C11orf65: variants seen among roughly 807,000 people sequenced by gnomAD.
C11orf65 encodes the protein protein MFI.
In C11orf65, 38 loss-of-function variants were observed where a neutral mutation model predicts 35.3. The observed-to-expected ratio is 1.08, with a 90% CI of 0.83 to 1.41. The LOEUF (loss-of-function observed/expected upper bound fraction) is 1.41, where lower values mean the gene tolerates loss of function less well. Among genes scored for constraint, C11orf65 ranks in the 40% most tolerant of loss-of-function variants. The probability of loss-of-function intolerance (pLI) is 0.00; values close to 1 mark genes in which losing one functional copy is unlikely to be tolerated. For missense variants in C11orf65, 370 were observed against 367.1 expected, an observed-to-expected ratio of 1.01 and a Z score of -0.06; for synonymous variants, 105 against 114.4, an observed-to-expected ratio of 0.92 and a Z score of 0.53.
intron 2 of C11orf65, among the ~76,000 whole-genome samples, chr11:108,454,098 C>T (rs1372954007): frequency 1.3e-5 from 2 of 152,074 alleles, no homozygotes; most frequent in Non-Finnish European, 2.9e-5. Flanking sequence ...TTTTCTTACT[C>T]ATTATTGGTC....
At position 108,430,926 on chromosome 11, in the gene C11orf65, ACACACACAC is replaced by A. The variant is rs2092980323; in HGVS notation, c.174+811_174+819del. 3.0e-5 allele frequency among the ~76,000 whole-genome samples: 3 copies of A among 98,530 alleles called. No individual in the cohort carries two copies. The South Asian group carries it at 7.3e-4, about 24-fold the overall frequency. The allele number at this position is 98,530 out of a possible 152,430, so 64.6% of individuals were successfully genotyped here. A position where few individuals can be genotyped will look rare whatever the true frequency, so the allele number is the denominator to read the frequency against. The stretch of plus-strand genomic sequence containing the variant: ...CACACACACACACACACACACACAC[ACACACACAC>A]ACACACACACAGAGGAGAGTTGAAT... On this transcript the variant is annotated intron_variant, in intron 3 of 8. Transcript: ENST00000393084.
chr11:108,341,798 C>A (rs1463933630), intron 2 of C11orf65, among the ~76,000 whole-genome samples: 1 of 152,126 alleles, frequency 6.6e-6, no homozygotes, highest in African/African-American at 2.4e-5. Context: ...TACTATTACC[C>A]TCAGATTAGC....
chr11:108,368,407 G>A (rs373927479), intron 2 of C11orf65: 5 of 210,522 alleles, frequency 2.4e-5, no homozygotes, highest in East Asian at 7.1e-5. Context: ...TCATAGAATA[G>A]TTGTTGTATG....
chr11:108,411,041 G>A (rs530106838), intron 3 of C11orf65, among the ~76,000 whole-genome samples: 1 of 151,764 alleles, frequency 6.6e-6, no homozygotes, highest in African/African-American at 2.4e-5. Context: ...TATTAATTTG[G>A]TTATCTTTTT....
intron 6 of C11orf65, among the ~76,000 whole-genome samples, chr11:108,404,632 T>C (rs1041095480): frequency 6.8e-6 from 1 of 147,766 alleles, no homozygotes; most frequent in Non-Finnish European, 1.5e-5. Context: ...GGTTTCACCA[T>C]GTTAGCGAGG....
At chr11:108,332,121 T>A (rs2136535749) in intron 3 of C11orf65, 1 of 1,533,110 alleles carries the variant, frequency 6.5e-7, no homozygotes, top group East Asian at 2.4e-5. Context: ...CTTGTGTTAT[T>A]AAGATGCCAT....
intron 2 of C11orf65, among the ~76,000 whole-genome samples, chr11:108,337,906 C>T (rs894294840): frequency 1.3e-5 from 2 of 152,244 alleles, no homozygotes; most frequent in African/African-American, 2.4e-5. Flanking sequence ...ACAATTGAAC[C>T]TCCAAAGTTC....
rs565209596 is a variant in C11orf65, at chr11:108,445,891, T to C, written c.82-14053A>G. 5.4e-4 allele frequency among the ~76,000 whole-genome samples: 82 copies of C among 151,894 alleles called. 4 individuals carry two copies. The South Asian group carries it at 0.017, about 31-fold the overall frequency. On this transcript the variant is annotated intron_variant, in intron 2 of 8. Coordinates refer to ENST00000393084, the MANE Select transcript of C11orf65 (RefSeq NM_152587.5). ...AACTTTGAAAAAAAAATTAGACGAA[T>C]GGATAACTAGAATAATCAATGCAGA...
chr11:108,455,377 A>G (rs1227048494), intron 2 of C11orf65, among the ~76,000 whole-genome samples: 1 of 152,204 alleles, frequency 6.6e-6, no homozygotes, highest in Non-Finnish European at 1.5e-5. Flanking sequence ...TGTTAAAAAT[A>G]ATAAGCAAAT....
intron 2 of C11orf65, among the ~76,000 whole-genome samples, chr11:108,448,217 T>G (rs1438704632): frequency 2.0e-5 from 3 of 152,214 alleles, no homozygotes; most frequent in Admixed American, 2.0e-4. Flanking sequence ...AAGGAGGAAC[T>G]GGTACCATTC....
intron 2 of C11orf65, among the ~76,000 whole-genome samples, chr11:108,438,807 A>G (rs1286484487): frequency 6.6e-6 from 1 of 152,096 alleles, no homozygotes; most frequent in Non-Finnish European, 1.5e-5. Flanking sequence ...GGAGTTTGAG[A>G]CCAGTCTGGC....
intron 7 of C11orf65, among the ~76,000 whole-genome samples, chr11:108,390,516 C>T (rs1042844877): frequency 6.6e-6 from 1 of 152,024 alleles, no homozygotes; most frequent in Non-Finnish European, 1.5e-5. Context: ...ACTTGTTTGC[C>T]GGCCCTTAGC....
chr11:108,319,040 G>A (rs1334538786), intron 6 of C11orf65, among the ~76,000 whole-genome samples: 1 of 152,004 alleles, frequency 6.6e-6, no homozygotes, highest in Non-Finnish European at 1.5e-5. Flanking sequence ...AGCTGGGCAA[G>A]GTAGCATGCA....
At chr11:108,440,591 A>G (rs950675981) in intron 2 of C11orf65, among the ~76,000 whole-genome samples, 1 of 152,206 alleles carries the variant, frequency 6.6e-6, no homozygotes, top group African/African-American at 2.4e-5. Context: ...ATAGTCAATC[A>G]TCAATCTCTG....
chr11:108,432,323 T>C lies in C11orf65; in HGVS notation c.82-485A>G, dbSNP rs1162993816. Among the ~76,000 whole-genome samples, 3 of 152,316 alleles carry C rather than the reference T, an allele frequency of 2.0e-5. No homozygotes were observed. The East Asian group carries it at 5.8e-4, about 29-fold the overall frequency. On this transcript the variant is annotated intron_variant, in intron 2 of 8. Transcript: ENST00000393084. ...ACAGCTTTGGTGAGAAATACATGAA[T>C]TAATATTTGTAGAGCATGTAAAGCT...
intron 3 of C11orf65, among the ~76,000 whole-genome samples, chr11:108,424,771 C>T (rs1479302336): frequency 1.3e-5 from 2 of 152,132 alleles, no homozygotes; most frequent in African/African-American, 4.8e-5. Context: ...GTAAACACTC[C>T]TCAGCAAATG....
intron 2 of C11orf65, among the ~76,000 whole-genome samples, chr11:108,350,631 A>G (rs1185002453): frequency 1.3e-5 from 2 of 152,226 alleles, no homozygotes; most frequent in African/African-American, 4.8e-5. Flanking sequence ...CCATGCCAAC[A>G]TTCAGCGAAT....
chr11:108,433,523 T>G (rs2093022120), intron 2 of C11orf65, among the ~76,000 whole-genome samples: 1 of 152,064 alleles, frequency 6.6e-6, no homozygotes, highest in Non-Finnish European at 1.5e-5. Context: ...GAACTTGCAG[T>G]GAGCAGAGAT....
chr11:108,413,368 C>T (rs558222956), intron 3 of C11orf65, among the ~76,000 whole-genome samples: 10 of 152,214 alleles, frequency 6.6e-5, no homozygotes, highest in Middle Eastern at 6.8e-3. Flanking sequence ...CAACTCTCCA[C>T]TGTCTATCAC....
Sources: gnomAD v4.1 joint callset for allele counts (sites outside exome capture counted in the v4.1 genomes callset) on GRCh38, gnomAD v4.1.1 for gene constraint, MANE v1.5 for transcripts, NCBI Gene and HGNC (gene_info 2026-07-23, HGNC 2026-07-21) for gene names.